ZNF831: variants seen among roughly 807,000 people sequenced by gnomAD.
ZNF831 encodes the protein chromosome 20 open reading frame 174.
ZNF831 carries 59 observed loss-of-function variants against 95.8 expected under a neutral mutation model. The observed-to-expected ratio is 0.62, with a 90% confidence interval of 0.50 to 0.77. ZNF831 has a LOEUF of 0.77. Ranked by LOEUF, ZNF831 falls within the 30% of genes least tolerant of loss-of-function variation. ZNF831 has a pLI of 0.00. For missense variants in ZNF831, 2,205 were observed against 2,164.0 expected (o/e 1.02, Z -0.38); for synonymous variants, 961 against 925.5 (o/e 1.04, Z -0.70).
intron 1 of ZNF831, among the ~76,000 whole-genome samples, chr20:59,171,790 C>G (rs1274555845): frequency 2.0e-5 from 3 of 152,186 alleles, no homozygotes; most frequent in Admixed American, 2.0e-4. Flanking sequence ...TATAATTGAT[C>G]ATGAAGTTGT....
chr20:59,224,748 C>T (rs1277848729), intron 4 of ZNF831, among the ~76,000 whole-genome samples: 2 of 152,234 alleles, frequency 1.3e-5, no homozygotes, highest in African/African-American at 2.4e-5. Context: ...TTACTTGCTA[C>T]AGTGATTCCA....
chr20:59,146,500 G>C (rs1255662057), intron 2 of ZNF831: 2 of 152,246 alleles, frequency 1.3e-5, no homozygotes, highest in African/African-American at 2.4e-5. Flanking sequence ...AAGCATGATG[G>C]ATGATTCCTT....
intron 1 of ZNF831, among the ~76,000 whole-genome samples, chr20:59,141,315 A>AT (rs1480045785): frequency 2.6e-5 from 4 of 151,858 alleles, no homozygotes; most frequent in Non-Finnish European, 4.4e-5. Context: ...TTTTTCTCCA[A>AT]TTTTTTTCTC....
At chr20:59,135,071 A>G (rs1482965590) in intron 1 of ZNF831, among the ~76,000 whole-genome samples, 1 of 152,146 alleles carries the variant, frequency 6.6e-6, no homozygotes, top group African/African-American at 2.4e-5. Context: ...CTAAGGAATA[A>G]CGACTATTAT....
intron 2 of ZNF831, among the ~76,000 whole-genome samples, chr20:59,156,362 C>G (rs1361237500): frequency 6.6e-6 from 1 of 151,972 alleles, no homozygotes; most frequent in Non-Finnish European, 1.5e-5. Context: ...CTTGTCTCTA[C>G]TAAAATAGAA....
At chr20:59,253,258 G>A (rs1600692638) in intron 5 of ZNF831, 120 bp downstream of exon 5, 5 of 1,137,658 alleles carry the variant, frequency 4.4e-6, no homozygotes, top group Non-Finnish European at 6.2e-6. Context: ...ATGAAGATTC[G>A]TGGCACAGAA....
intron 4 of ZNF831, among the ~76,000 whole-genome samples, chr20:59,223,324 CCGGA>C (rs1417681253): frequency 2.0e-5 from 3 of 152,198 alleles, no homozygotes; most frequent in Non-Finnish European, 1.5e-5. Context: ...ACCAGGACTC[CCGGA>C]CCCTTCGCTT....
chr20:59,150,359 G>T (rs1980158148), intron 2 of ZNF831, among the ~76,000 whole-genome samples: 1 of 152,114 alleles, frequency 6.6e-6, no homozygotes, highest in African/African-American at 2.4e-5. Context: ...GTGGACCTCG[G>T]GTCACAGGTA....
At chr20:59,128,966 G>C (rs1979264301) in intron 1 of ZNF831, among the ~76,000 whole-genome samples, 1 of 152,134 alleles carries the variant, frequency 6.6e-6, no homozygotes, top group Non-Finnish European at 1.5e-5. Context: ...TTCACCCGTT[G>C]TTGGCCAGGC....
At chr20:59,150,090 T>A (rs1408701223) in intron 2 of ZNF831, among the ~76,000 whole-genome samples, 1 of 152,228 alleles carries the variant, frequency 6.6e-6, no homozygotes, top group Non-Finnish European at 1.5e-5. Context: ...GGCCTCACGT[T>A]CACAATGGTA....
intron 4 of ZNF831, 78 bp from the exon 5 acceptor site, chr20:59,252,900 A>G: frequency 6.7e-7 from 1 of 1,489,152 alleles, no homozygotes; most frequent in Non-Finnish European, 9.0e-7. Flanking sequence ...TCAAGAAGTC[A>G]TGGACAACCT....
intron 4 of ZNF831, among the ~76,000 whole-genome samples, chr20:59,236,949 G>A (rs1442151439): frequency 2.0e-5 from 3 of 151,950 alleles, no homozygotes; most frequent in Admixed American, 6.6e-5. Flanking sequence ...AAATGTTCCC[G>A]AACCTGCAAT....
At chr20:59,164,294 A>G (rs965438511) in intron 1 of ZNF831, among the ~76,000 whole-genome samples, 87 bp downstream of exon 1, 1 of 152,244 alleles carries the variant, frequency 6.6e-6, no homozygotes, top group Admixed American at 6.5e-5. Context: ...TGATATATTT[A>G]TCTTCAAGCA....
chr20:59,193,131 GACTGAACCC>G lies in ZNF831; in HGVS notation c.2116_2124del (p.Glu706_Thr708del). The G allele has an allele frequency of 6.3e-7, 1 of 1,581,206 alleles. No individual in the cohort carries two copies. Among genetic ancestry groups the G allele is most frequent in the Non-Finnish European group, 8.6e-7 (1 of 1,163,322 alleles). The stretch of plus-strand genomic sequence containing the variant: ...CACCAGCCCTGGAGGCCTCCTTGGT[GACTGAACCC>G]ACTAAGCATGGGGAGACGGTGGCCA... On this transcript the variant is annotated inframe_deletion, in exon 2 of 6. Transcript: ENST00000371030.
At chr20:59,215,635 C>T (rs532586291) in intron 4 of ZNF831, among the ~76,000 whole-genome samples, 43 of 152,290 alleles carry the variant, frequency 2.8e-4, no homozygotes, top group Non-Finnish European at 3.4e-4. Context: ...CCCAGAGGCA[C>T]CCAGATGATT....
chr20:59,197,596 A>C (rs984210943), intron 3 of ZNF831, among the ~76,000 whole-genome samples: 1 of 152,176 alleles, frequency 6.6e-6, no homozygotes, highest in Non-Finnish European at 1.5e-5. Flanking sequence ...CGTGGCCCCC[A>C]GAGCAGGCTT....
chr20:59,125,563 G>A (rs537235915), intron 1 of ZNF831, among the ~76,000 whole-genome samples: 17 of 152,316 alleles, frequency 1.1e-4, no homozygotes, highest in African/African-American at 2.9e-4. Flanking sequence ...GTGTTCTGTG[G>A]AGGAGGACTT....
chr20:59,251,355 A>G (rs777991875), intron 4 of ZNF831, among the ~76,000 whole-genome samples: 1 of 152,232 alleles, frequency 6.6e-6, no homozygotes, highest in Non-Finnish European at 1.5e-5. Context: ...CCAAAGGACC[A>G]TGAATCATAA....
intron 4 of ZNF831, among the ~76,000 whole-genome samples, chr20:59,243,405 T>C (rs1987435909): frequency 6.6e-6 from 1 of 152,354 alleles, no homozygotes; most frequent in East Asian, 1.9e-4. Context: ...GATGGTGACG[T>C]AATTCTCTGA....
Sources: gnomAD v4.1 joint callset for allele counts (sites outside exome capture counted in the v4.1 genomes callset) on GRCh38, gnomAD v4.1.1 for gene constraint, MANE v1.5 for transcripts, NCBI Gene and HGNC (gene_info 2026-07-23, HGNC 2026-07-21) for gene names.